KIAA1549: variants seen among roughly 807,000 people sequenced by gnomAD.
The protein encoded by KIAA1549 is KIAA1549.
KIAA1549 carries 70 observed loss-of-function variants against 156.4 expected under a neutral mutation model. The ratio of observed to expected loss-of-function variants is 0.45; its 90% CI spans 0.37 to 0.55. KIAA1549 has a LOEUF of 0.55. KIAA1549 is among the 20% of genes least tolerant of loss of function. KIAA1549 has a pLI of 0.00. For missense variants in KIAA1549, 2,428 were observed against 2,540.9 expected (o/e 0.96, Z 0.96); for synonymous variants, 1,103 against 1,066.4 (o/e 1.03, Z -0.67).
At chr7:138,852,503 T>C (rs1563049531) in intron 16 of KIAA1549, among the ~76,000 whole-genome samples, 2 of 152,258 alleles carry the variant, frequency 1.3e-5, no homozygotes, top group Non-Finnish European at 2.9e-5. Flanking sequence ...TCTTTCCTTC[T>C]TTTGTATATT....
Position 138,835,725 on chromosome 7 carries a change from A to C in KIAA1549, c.*2181T>G, listed in dbSNP as rs1432472548. The C allele has an allele frequency of 4.6e-6, 1 of 218,106 alleles. No individual in the cohort carries two copies. The highest frequency in any genetic ancestry group is 9.2e-6 in the Non-Finnish European group (1 of 108,612). The allele number at this position is 218,106 out of a possible 1,614,324, so 13.5% of individuals were successfully genotyped here. A position where few individuals can be genotyped will look rare whatever the true frequency, so the allele number is the denominator to read the frequency against. On this transcript the variant is annotated 3_prime_UTR_variant, in exon 20 of 20. Transcript: ENST00000422774. ...AGTGACATACAAAGATAATCGTTCA[A>C]TTTGGGAGGAGTCGGGTATTAAACC...
At chr7:138,914,408 G>C (rs1342116485) in intron 2 of KIAA1549, among the ~76,000 whole-genome samples, 1 of 152,192 alleles carries the variant, frequency 6.6e-6, no homozygotes, top group Non-Finnish European at 1.5e-5. Context: ...GGGTCAGAAA[G>C]GCCCTGGGTG....
chr7:138,902,223 AG>A (rs564370370), intron 8 of KIAA1549, among the ~76,000 whole-genome samples: 3 of 152,292 alleles, frequency 2.0e-5, no homozygotes, highest in South Asian at 2.1e-4. Flanking sequence ...AGGGGGACAA[AG>A]GGTAATGATG....
intron 1 of KIAA1549, among the ~76,000 whole-genome samples, chr7:138,930,142 A>C (rs761903414): frequency 2.0e-5 from 3 of 152,196 alleles, no homozygotes; most frequent in Non-Finnish European, 2.9e-5. Context: ...GAGCAGTAAT[A>C]GTTTGAAAGG....
Position 138,918,357 on chromosome 7 carries a change from G to C in KIAA1549, c.1269C>G (p.Ala423=). The change falls in exon 2 of 20, where the codon GCC becomes GCG. Residue 423 remains alanine (A), a synonymous_variant. Transcript: ENST00000422774. This position sits in a 1 kb window ranked among gnomAD's most constrained non-coding sequence, Gnocchi z 4.2. ...CTTGCTGAGGTGAAGGCACAGTGCA[G>C]GCCGCACACCAAGTGTATGGTCTGA... ...SSFRPYTWCA[A]CTVPSPQQVL... The C allele has an allele frequency of 1.2e-6, 2 of 1,613,968 alleles. No individual in the cohort carries two copies. The highest frequency in any genetic ancestry group is 1.7e-6 in the Non-Finnish European group (2 of 1,179,894).
At position 138,907,099 on chromosome 7, in the gene KIAA1549, A is replaced by G. The variant is rs1812028930; in HGVS notation, c.3280T>C (p.Leu1094=). The change falls in exon 6 of 20, where the codon TTG becomes CTG. Residue 1094 remains leucine (L), a synonymous_variant. Coordinates refer to ENST00000422774, the MANE Select transcript of KIAA1549 (RefSeq NM_001164665.2). ...CTTGAGGAACTGATGGTGATATTCA[A>G]GATCTGAAAGAATAAAGTCAGAATA... The part of the protein sequence containing the change: ...QGTYNLTVQI[L]NITISSSRVT... 1.3e-6 allele frequency: 2 copies of G among 1,577,370 alleles called. No individual in the cohort carries two copies. The highest frequency in any genetic ancestry group is 1.7e-6 in the Non-Finnish European group (2 of 1,166,464).
intron 2 of KIAA1549, among the ~76,000 whole-genome samples, chr7:138,916,241 G>C (rs1351441655): frequency 6.6e-6 from 1 of 152,192 alleles, no homozygotes; most frequent in African/African-American, 2.4e-5. Flanking sequence ...GAAATTGCAA[G>C]GGTTGCCCTT....
intron 10 of KIAA1549, among the ~76,000 whole-genome samples, chr7:138,887,082 A>AT (rs1161454578): frequency 1.3e-5 from 2 of 151,550 alleles, no homozygotes; most frequent in African/African-American, 4.9e-5. Flanking sequence ...TTATGTACAT[A>AT]TTTTTTTATT....
intron 1 of KIAA1549, among the ~76,000 whole-genome samples, chr7:138,946,968 A>C (rs1813355644): frequency 6.6e-6 from 1 of 152,152 alleles, no homozygotes; most frequent in Non-Finnish European, 1.5e-5. Flanking sequence ...GCAGGTAAAC[A>C]ACCCCTGGTC....
chr7:138,874,742 G>A lies in KIAA1549; in HGVS notation c.4346-3380C>T, dbSNP rs537000016. ...CTAGAGGCTGGACATGGTGGCTCTC[G>A]CCTGTAATCCCAGCACTTTGATAGG... On this transcript the variant is annotated intron_variant, in intron 12 of 19. Transcript: ENST00000422774. Among the ~76,000 whole-genome samples, 434 of 152,300 alleles carry A rather than the reference G, an allele frequency of 2.8e-3. 3 individuals are homozygous for A. Among genetic ancestry groups the A allele is most frequent in the African/African-American group, 9.4e-3 (390 of 41,560 alleles).
In KIAA1549 at chr7:138,849,853, C is replaced by T. The variant is rs577358034; in HGVS notation, c.5294+2370G>A. 8.5e-5 allele frequency among the ~76,000 whole-genome samples: 13 copies of T among 152,252 alleles called. No homozygotes were observed. The South Asian group carries it at 2.1e-3, about 24-fold the overall frequency. On this transcript the variant is annotated intron_variant, in intron 17 of 19. Transcript: ENST00000422774. Reference sequence around the variant, plus strand: ...TCCTGCATTAGTTTGCTAAGGATAACGGCCTCTGGCTCCATCCATGTTCCT... The same window carrying T: ...TCCTGCATTAGTTTGCTAAGGATAATGGCCTCTGGCTCCATCCATGTTCCT...
In KIAA1549 at chr7:138,903,842, TGTGTGTGTGTGCGC is replaced by T. The variant is rs1163038185; in HGVS notation, c.3521-120_3521-107del. ...GTGTGTGTGTGTGTGTGTGTGTGTG[TGTGTGTGTGTGCGC>T]GCGCGCGCGCGCGCACATATGTATT... On this transcript the variant is annotated intron_variant, in intron 7 of 19. Transcript: ENST00000422774. 802 of 463,316 alleles carry T rather than the reference TGTGTGTGTGTGCGC, an allele frequency of 1.7e-3. 7 individuals carry two copies. Among genetic ancestry groups the T allele is most frequent in the Middle Eastern group, 5.5e-3 (12 of 2,200 alleles). The allele number at this position is 463,316 out of a possible 1,614,324, so 28.7% of individuals were successfully genotyped here.
In KIAA1549 at chr7:138,869,648, C is replaced by A. The variant is rs764659668; in HGVS notation, c.4665G>T (p.Ser1555=). ...CCCGGTGTCGCTCCTTAGTGTCGCC[C>A]GAGGACAGGTCGTCTACCACCGGGA... ...YEFPVVDDLS[S]GDTKERHRVY... is the part of the protein sequence containing the mutation. The change falls in exon 14 of 20, where the codon TCG becomes TCT. Residue 1555 remains serine, a synonymous_variant. Transcript: ENST00000422774. 17 of 1,611,490 alleles carry A rather than the reference C, an allele frequency of 1.1e-5. No individual in the cohort carries two copies. The highest frequency in any genetic ancestry group is 1.3e-5 in the African/African-American group (1 of 74,870).
intron 1 of KIAA1549, among the ~76,000 whole-genome samples, chr7:138,935,693 A>C (rs1584768610): frequency 6.6e-6 from 1 of 152,182 alleles, no homozygotes; most frequent in East Asian, 1.9e-4. Context: ...ATCCACACCG[A>C]CGTCCAAGCT....
At chr7:138,906,677 A>G (rs940448942) in intron 6 of KIAA1549, among the ~76,000 whole-genome samples, 11 of 151,676 alleles carry the variant, frequency 7.3e-5, no homozygotes, top group Middle Eastern at 3.4e-3. Flanking sequence ...GGGAGGAGGG[A>G]TAAAAGACTA....
intron 16 of KIAA1549, among the ~76,000 whole-genome samples, chr7:138,855,945 C>T (rs1212708757): frequency 6.6e-6 from 1 of 152,084 alleles, no homozygotes; most frequent in Non-Finnish European, 1.5e-5. Flanking sequence ...CCAACTACAA[C>T]CTGATTTTAT....
intron 1 of KIAA1549, among the ~76,000 whole-genome samples, chr7:138,938,875 C>G (rs1813093843): frequency 6.6e-6 from 1 of 152,130 alleles, no homozygotes; most frequent in African/African-American, 2.4e-5. Flanking sequence ...CGGCGAAACC[C>G]TGTGTCTACT....
intron 10 of KIAA1549, among the ~76,000 whole-genome samples, chr7:138,891,293 C>A (rs567408898): frequency 1.3e-5 from 2 of 152,246 alleles, no homozygotes; most frequent in African/African-American, 4.8e-5. Context: ...CCTTTAGAAG[C>A]AACCAAGGGC....
chr7:138,875,491 A>G (rs1811057764), intron 12 of KIAA1549, among the ~76,000 whole-genome samples: 1 of 152,104 alleles, frequency 6.6e-6, no homozygotes, highest in Admixed American at 6.5e-5. Flanking sequence ...CAAAAAGTAA[A>G]TAAAAAGTTA....
Sources: gnomAD v4.1 joint callset for allele counts (sites outside exome capture counted in the v4.1 genomes callset) on GRCh38, gnomAD v4.1.1 for gene constraint, Gnocchi (gnomAD v3.1) non-coding constraint, MANE v1.5 for transcripts, NCBI Gene and HGNC (gene_info 2026-07-23, HGNC 2026-07-21) for gene names.